CNTNAP2: variants seen among roughly 807,000 people sequenced by gnomAD.
The protein encoded by CNTNAP2 is contactin-associated protein-like 2.
A neutral mutation model predicts 155.2 loss-of-function variants in CNTNAP2; 98 were observed. The observed-to-expected ratio is 0.63, with a 90% CI of 0.54 to 0.75. The LOEUF is 0.75. CNTNAP2 is among the 30% of genes least tolerant of loss of function. The pLI is 0.00. For synonymous variants in CNTNAP2, 651 were observed against 631.2 expected (o/e 1.03, Z -0.47); for missense variants, 1,727 against 1,688.1 (o/e 1.02, Z -0.40).
intron 1 of CNTNAP2, among the ~76,000 whole-genome samples, chr7:146,135,909 T>A (rs1430717574): frequency 6.6e-6 from 1 of 152,108 alleles, no homozygotes; most frequent in African/African-American, 2.4e-5. Flanking sequence ...AAAATCAAGC[T>A]AATCTCAATT....
intron 12 of CNTNAP2, among the ~76,000 whole-genome samples, chr7:147,579,789 A>C (rs1800464515): frequency 6.6e-6 from 1 of 152,170 alleles, no homozygotes; most frequent in Non-Finnish European, 1.5e-5. Flanking sequence ...CATATTGTTT[A>C]GATATATCAT....
At chr7:147,865,931 GCT>G (rs1457048667) in intron 13 of CNTNAP2, among the ~76,000 whole-genome samples, 1 of 151,934 alleles carries the variant, frequency 6.6e-6, no homozygotes, top group African/African-American at 2.4e-5. Flanking sequence ...TTTCAGTTCT[GCT>G]CTGATCTTAG....
At chr7:146,653,113 T>C (rs567415933) in intron 1 of CNTNAP2, among the ~76,000 whole-genome samples, 80 of 152,232 alleles carry the variant, frequency 5.3e-4, no homozygotes, top group African/African-American at 1.9e-3. Flanking sequence ...AATTGAGAGG[T>C]TGCCAGCTCA....
At chr7:147,555,421 T>C (rs1584810137) in intron 11 of CNTNAP2, among the ~76,000 whole-genome samples, 1 of 152,290 alleles carries the variant, frequency 6.6e-6, no homozygotes, top group Admixed American at 6.5e-5. Flanking sequence ...ACAGCAAGTA[T>C]GTACAAGTAT....
intron 1 of CNTNAP2, among the ~76,000 whole-genome samples, chr7:146,638,815 G>A (rs1799656865): frequency 6.6e-6 from 1 of 152,058 alleles, no homozygotes; most frequent in Admixed American, 6.6e-5. Context: ...AATGTTGTGA[G>A]AAATGTGATT....
At chr7:147,762,132 TTCTC>T (rs72279270) in intron 13 of CNTNAP2, among the ~76,000 whole-genome samples, 19 of 143,066 alleles carry the variant, frequency 1.3e-4, no homozygotes, top group East Asian at 8.1e-4. Flanking sequence ...TCTAATATGT[TTCTC>T]TCTCTCTCTC....
intron 15 of CNTNAP2, among the ~76,000 whole-genome samples, chr7:148,005,330 G>T (rs1209338767): frequency 1.3e-5 from 2 of 152,002 alleles, no homozygotes; most frequent in Admixed American, 6.6e-5. Flanking sequence ...ATCCCCAAAG[G>T]CCCCCCTTCT....
At chr7:148,030,042 A>T (rs1286004328) in intron 15 of CNTNAP2, among the ~76,000 whole-genome samples, 2 of 152,206 alleles carry the variant, frequency 1.3e-5, no homozygotes, top group African/African-American at 2.4e-5. Context: ...ATAACCTTTA[A>T]CTAATTTCCA....
rs537881743 is a variant in CNTNAP2 at position 146,140,826 on chromosome 7, A to T, written c.97+23853A>T. Among the ~76,000 whole-genome samples the T allele has an allele frequency of 9.2e-5, 14 of 152,164 alleles. No individual in the cohort carries two copies. The South Asian group carries it at 1.7e-3, about 18-fold the overall frequency. On this transcript the variant is annotated intron_variant, in intron 1 of 23. Coordinates refer to ENST00000361727, the MANE Select transcript of CNTNAP2 (RefSeq NM_014141.6). The stretch of plus-strand genomic sequence containing the variant: ...CGGAAACAAAGGGAATATTTTGGAA[A>T]TTTACTGTGGTGATTTTCTGGATTA...
intron 13 of CNTNAP2, among the ~76,000 whole-genome samples, chr7:147,639,696 G>A (rs1563034121): frequency 6.6e-6 from 1 of 152,190 alleles, no homozygotes; most frequent in Non-Finnish European, 1.5e-5. Flanking sequence ...CAGCCAAATA[G>A]GATATAGAAT....
At chr7:148,076,845 T>C (rs1004141807) in intron 15 of CNTNAP2, among the ~76,000 whole-genome samples, 1 of 152,170 alleles carries the variant, frequency 6.6e-6, no homozygotes, top group African/African-American at 2.4e-5. Context: ...TGTTAGTAAA[T>C]GCAGTGAATG....
chr7:147,675,174 A>G (rs993937117), intron 13 of CNTNAP2, among the ~76,000 whole-genome samples: 2 of 152,016 alleles, frequency 1.3e-5, no homozygotes, highest in Non-Finnish European at 2.9e-5. Flanking sequence ...TTTTGGTGGT[A>G]TCACTCCAAT....
chr7:147,637,683 T>C (rs546435306), intron 12 of CNTNAP2, among the ~76,000 whole-genome samples: 2 of 152,310 alleles, frequency 1.3e-5, no homozygotes, highest in African/African-American at 2.4e-5. Context: ...CTCTCCCTTA[T>C]AAATTCTGGA....
chr7:147,184,288 A>T (rs2116507069), intron 8 of CNTNAP2, among the ~76,000 whole-genome samples: 1 of 152,286 alleles, frequency 6.6e-6, no homozygotes, highest in East Asian at 1.9e-4. Flanking sequence ...AGGCTGCCCA[A>T]CTTGTGGGTT....
chr7:148,017,368 G>T (rs1453338899), intron 15 of CNTNAP2, among the ~76,000 whole-genome samples: 3 of 152,150 alleles, frequency 2.0e-5, no homozygotes, highest in Non-Finnish European at 4.4e-5. Flanking sequence ...GCAGATATGA[G>T]AGAGAACAAA....
intron 1 of CNTNAP2, among the ~76,000 whole-genome samples, chr7:146,538,638 G>A (rs1380713211): frequency 6.6e-6 from 1 of 151,998 alleles, no homozygotes; most frequent in East Asian, 1.9e-4. Flanking sequence ...TTATCTGACA[G>A]AGAAGGGAGC....
rs552019277 is a variant in CNTNAP2, at chr7:147,598,273, T to C, written c.1897+36016T>C. On this transcript the variant is annotated intron_variant, in intron 12 of 23. Transcript: ENST00000361727. ...GTGGTTTGTTGTACCTATCAACTCG[T>C]CATCTAGGTTTTAAATCCCGCATGT... 1.8e-3 allele frequency among the ~76,000 whole-genome samples: 275 copies of C among 152,212 alleles called. 1 individual carries two copies. Among genetic ancestry groups the C allele is most frequent in the African/African-American group, 6.3e-3 (261 of 41,538 alleles).
At chr7:146,739,426 C>T (rs1181021748) in intron 1 of CNTNAP2, among the ~76,000 whole-genome samples, 1 of 152,034 alleles carries the variant, frequency 6.6e-6, no homozygotes, top group African/African-American at 2.4e-5. Flanking sequence ...TTCAGAAGCA[C>T]GTTCTTTAAT....
chr7:147,775,236 T>A (rs867264395), intron 13 of CNTNAP2, among the ~76,000 whole-genome samples: 3 of 120,224 alleles, frequency 2.5e-5, no homozygotes, highest in Non-Finnish European at 5.0e-5. Context: ...GAAATATATA[T>A]ATATATTTAT....
Sources: allele counts gnomAD v4.1 joint callset (sites outside exome capture counted in the v4.1 genomes callset), GRCh38; gene constraint gnomAD v4.1.1; transcripts MANE v1.5; gene names NCBI Gene and HGNC (gene_info 2026-07-23, HGNC 2026-07-21).